The following ESR2 variants were observed in gnomAD, a reference collection of about 807,000 sequenced individuals.
ESR2 encodes the protein estrogen receptor 2, also known as estrogen receptor beta.
Under a neutral mutation model 49.6 loss-of-function variants are expected in ESR2, and 36 were observed. That is an observed-to-expected ratio of 0.73 (90% CI 0.56 to 0.96). The LOEUF is 0.96. Ranked by LOEUF, ESR2 falls within the 40% of genes least tolerant of loss-of-function variation. ESR2 has a pLI of 0.00. For synonymous variants in ESR2, 320 were observed against 266.1 expected (o/e 1.20, Z -1.97); for missense variants, 714 against 693.0 (o/e 1.03, Z -0.34).
chr14:64,258,805 G>T (rs988023173), intron 5 of ESR2, among the ~76,000 whole-genome samples: 10 of 152,150 alleles, frequency 6.6e-5, no homozygotes, highest in Admixed American at 5.2e-4. Flanking sequence ...ACCCAAGAGA[G>T]ATCACGGTTC....
At chr14:64,322,153 G>T (rs1192421188) in intron 1 of ESR2, among the ~76,000 whole-genome samples, 1 of 152,174 alleles carries the variant, frequency 6.6e-6, no homozygotes, top group East Asian at 1.9e-4. Flanking sequence ...CCGCCTCCTG[G>T]GTTCAAGCCA....
chr14:64,235,047 C>G lies in ESR2; in HGVS notation c.1329G>C (p.Lys443Asn). 2 of 1,614,222 alleles carry G rather than the reference C, an allele frequency of 1.2e-6. No homozygotes were observed. The highest frequency in any genetic ancestry group is 1.7e-6 in the Non-Finnish European group (2 of 1,180,032). Reference sequence around the variant, plus strand: ...ATTGCTGCTGGGAGGAGATGCCGCTCTTGGCAATCACCCAAACCAAAGCAT... The same window carrying G: ...ATTGCTGCTGGGAGGAGATGCCGCTGTTGGCAATCACCCAAACCAAAGCAT... ...VTDALVWVIAKSGISSQQQSM... is the reference protein window; with the variant it reads ...VTDALVWVIANSGISSQQQSM... Residue 443 changes from lysine (K) to asparagine (N), a missense_variant, in exon 8 of 9, where the codon AAG becomes AAC. Transcript: ENST00000341099.
chr14:64,311,485 C>G (rs759085974), intron 1 of ESR2, among the ~76,000 whole-genome samples: 3 of 151,696 alleles, frequency 2.0e-5, no homozygotes, highest in Non-Finnish European at 4.4e-5. Flanking sequence ...ACTAAAAATA[C>G]AAAAATGAGC....
At chr14:64,241,237 A>G (rs1225864881) in intron 7 of ESR2, among the ~76,000 whole-genome samples, 5 of 151,392 alleles carry the variant, frequency 3.3e-5, no homozygotes, top group Non-Finnish European at 7.4e-5. Flanking sequence ...GACTAGCAAT[A>G]TTTTCAACTT....
chr14:64,311,263 T>G (rs975746136), intron 1 of ESR2, among the ~76,000 whole-genome samples: 1 of 152,174 alleles, frequency 6.6e-6, no homozygotes, highest in Non-Finnish European at 1.5e-5. Context: ...AACTCTAACT[T>G]AAATTTGTGT....
At chr14:64,260,223 C>T (rs1358191094) in intron 5 of ESR2, 1 of 750,394 alleles carries the variant, frequency 1.3e-6, no homozygotes, top group Non-Finnish European at 2.5e-6. Context: ...GGGTACAGAA[C>T]TCAGAAGAGT....
chr14:64,285,216 TC>T (rs1258516550), intron 1 of ESR2, among the ~76,000 whole-genome samples: 2 of 152,140 alleles, frequency 1.3e-5, no homozygotes, highest in Non-Finnish European at 2.9e-5. Flanking sequence ...CCAGTTAGCT[TC>T]TCCTCCAGAT....
At chr14:64,290,703 T>G (rs2076857613) in intron 1 of ESR2, among the ~76,000 whole-genome samples, 1 of 152,182 alleles carries the variant, frequency 6.6e-6, no homozygotes, top group Non-Finnish European at 1.5e-5. Context: ...ACACCCAGCC[T>G]TTTTAAATAT....
chr14:64,267,813 G>A (rs1299686333), intron 4 of ESR2, among the ~76,000 whole-genome samples: 1 of 151,614 alleles, frequency 6.6e-6, no homozygotes, highest in Admixed American at 6.6e-5. Context: ...GAACCCGGGA[G>A]GCAGAGCTTG....
chr14:64,323,113 T>C (rs1472835711), intron 1 of ESR2, among the ~76,000 whole-genome samples: 2 of 152,252 alleles, frequency 1.3e-5, no homozygotes, highest in Non-Finnish European at 2.9e-5. Flanking sequence ...ATGGTTAACA[T>C]TGGTTACTGA....
At chr14:64,333,520 A>G (rs1264754113) in intron 1 of ESR2, among the ~76,000 whole-genome samples, 3 of 152,206 alleles carry the variant, frequency 2.0e-5, no homozygotes, top group Non-Finnish European at 4.4e-5. Flanking sequence ...CTGCTGATAA[A>G]GACATGCCCA....
At chr14:64,253,519 CA>C (rs1398714360) in intron 6 of ESR2, among the ~76,000 whole-genome samples, 1 of 149,794 alleles carries the variant, frequency 6.7e-6, no homozygotes, top group Non-Finnish European at 1.5e-5. Context: ...AATACAACAA[CA>C]AAATGTTGAA....
chr14:64,255,280 G>A (rs1189424836), intron 6 of ESR2, among the ~76,000 whole-genome samples: 4 of 152,050 alleles, frequency 2.6e-5, no homozygotes, highest in Non-Finnish European at 5.9e-5. Flanking sequence ...AAAATTATAT[G>A]TGTATATTTA....
intron 1 of ESR2, among the ~76,000 whole-genome samples, chr14:64,321,926 A>G (rs3020445): frequency 0.66 from 100,998 of 151,952 alleles, 35,549 homozygotes; most frequent in African/African-American, 0.91. Context: ...GAGAGAGGGG[A>G]CATGGGATGC....
At chr14:64,301,905 G>T (rs1487835607) in intron 1 of ESR2, among the ~76,000 whole-genome samples, 3 of 152,038 alleles carry the variant, frequency 2.0e-5, no homozygotes, top group Non-Finnish European at 2.9e-5. Context: ...CAGAAGCCTT[G>T]GCCTAAGAGA....
In ESR2 at chr14:64,280,033, A is replaced by T; in HGVS notation, c.483T>A (p.Tyr161Ter). 6.2e-7 allele frequency: 1 copy of T among 1,614,220 alleles called. No individual in the cohort carries two copies. The highest frequency in any genetic ancestry group is 2.2e-5 in the East Asian group (1 of 44,892). Residue 161 changes from tyrosine (Y) to a stop codon, truncating the protein, a stop_gained, in exon 3 of 9, where the codon TAT becomes TAA. Transcript: ENST00000341099. LOFTEE classifies it high-confidence loss of function. ...TACATCCTTCACACGACCAGACTCC[A>T]TAGTGATATCCCGATGCGTAATCGC... ...VCSDYASGYHYGVWSCEGCKA... is the reference protein window; with the variant it reads ...VCSDYASGYH
chr14:64,266,169 G>GT (rs1432030468), intron 4 of ESR2, among the ~76,000 whole-genome samples: 1 of 152,092 alleles, frequency 6.6e-6, no homozygotes, highest in Non-Finnish European at 1.5e-5. Context: ...TCTGTACTCT[G>GT]TCTCATGAAA....
At chr14:64,285,415 G>A (rs190513453) in intron 1 of ESR2, among the ~76,000 whole-genome samples, 25 of 152,292 alleles carry the variant, frequency 1.6e-4, no homozygotes, top group Non-Finnish European at 2.4e-4. Flanking sequence ...ACTGCATTGT[G>A]AGGTGGTTGG....
intron 1 of ESR2, chr14:64,330,862 T>G (rs1354362734): frequency 3.3e-5 from 5 of 151,396 alleles, no homozygotes; most frequent in Admixed American, 2.6e-4. Flanking sequence ...CAGGCTGAGG[T>G]TGCAGTTAGC....
Sources: allele counts gnomAD v4.1 joint callset (sites outside exome capture counted in the v4.1 genomes callset), GRCh38; gene constraint gnomAD v4.1.1; transcripts MANE v1.5; gene names NCBI Gene and HGNC (gene_info 2026-07-23, HGNC 2026-07-21).